Variants in NOB1 observed in about 807,000 individuals in gnomAD.
NOB1 encodes RNA-binding protein NOB1.
In NOB1, 44 loss-of-function variants were observed where a neutral mutation model predicts 44.8. That is an observed-to-expected ratio of 0.98 (90% CI 0.77 to 1.26). NOB1 has a LOEUF of 1.26. NOB1 is among the 50% of genes most tolerant of loss of function. The probability of loss-of-function intolerance (pLI) is 0.00; values close to 1 mark genes in which losing one functional copy is unlikely to be tolerated. For missense variants in NOB1, 560 were observed against 544.8 expected (o/e 1.03, Z -0.28); for synonymous variants, 238 against 218.7 (o/e 1.09, Z -0.78).
chr16:69,749,520 GA>G, intron 4 of NOB1, 38 bp downstream of exon 4: 1 of 1,585,648 alleles, frequency 6.3e-7, no homozygotes, highest in Non-Finnish European at 8.6e-7. Context: ...ACATGTTTCA[GA>G]AAAGAGCATG....
rs1396485522 is a variant in NOB1 at position 69,748,227 on chromosome 16, C to T, written c.824+5G>A. 5.6e-6 allele frequency: 9 copies of T among 1,610,722 alleles called. No homozygotes were observed. The highest frequency in any genetic ancestry group is 7.6e-6 in the Non-Finnish European group (9 of 1,177,142). ...GGCACCAGGGCCAGGGCACCAGCTA[C>T]ATACTTGAAACAGCCATGGCAGCGC... On this transcript the variant is annotated splice_donor_5th_base_variant and intron_variant, in intron 7 of 8. Transcript: ENST00000268802.
intron 7 of NOB1, among the ~76,000 whole-genome samples, chr16:69,746,866 C>T (rs956177330): frequency 6.6e-6 from 1 of 150,832 alleles, no homozygotes; most frequent in African/African-American, 2.4e-5. Flanking sequence ...TAGACTGTGC[C>T]ACTGCTCTCC....
intron 8 of NOB1, among the ~76,000 whole-genome samples, chr16:69,743,024 G>A (rs989865813): frequency 2.6e-5 from 4 of 152,104 alleles, no homozygotes; most frequent in South Asian, 2.1e-4. Context: ...GAGAAATGGC[G>A]GATTCTGGGG....
chr16:69,742,013 G>A lies in NOB1; in HGVS notation c.*319C>T, dbSNP rs888211071. On this transcript the variant is annotated 3_prime_UTR_variant, in exon 9 of 9. Coordinates refer to ENST00000268802, the MANE Select transcript of NOB1 (RefSeq NM_014062.3). ...TTTGGCCTATTTAATTAAATGCACA[G>A]GAGGTTGCAGCCGCATTTATTAGAA... The A allele has an allele frequency of 2.5e-5, 7 of 284,242 alleles. No homozygotes were observed. The Admixed American group carries it at 3.4e-4, about 14-fold the overall frequency. 17.6% of individuals were successfully genotyped at this position (284,242 alleles called of 1,614,324 possible).
In NOB1 at chr16:69,753,222, A is replaced by C. The variant is rs1179776717; in HGVS notation, c.197-851T>G. On this transcript the variant is annotated intron_variant, in intron 2 of 8. Transcript: ENST00000268802. ...AGGCAACACAGCCAGACTCCATCTC[A>C]AAAAAAAAAAAGTTTCAGATTTAGG... Among the ~76,000 whole-genome samples, 6 of 147,510 alleles carry C rather than the reference A, an allele frequency of 4.1e-5. No individual in the cohort carries two copies. The East Asian group carries it at 5.9e-4, about 15-fold the overall frequency.
Position 69,749,194 on chromosome 16 carries a change from C to T in NOB1, c.525+19G>A, listed in dbSNP as rs2038460560. The T allele has an allele frequency of 1.2e-6, 2 of 1,612,688 alleles. No homozygotes were observed. The highest frequency in any genetic ancestry group is 2.7e-5 in the African/African-American group (2 of 74,828). On this transcript the variant is annotated intron_variant, in intron 5 of 8. Transcript: ENST00000268802. ...GAGAAGTTGAGCTGTCGTCAGAAGACCAAAAGTCAAGGCCTCACCAGCAGC... is the reference window on the plus strand; with the variant it reads ...GAGAAGTTGAGCTGTCGTCAGAAGATCAAAAGTCAAGGCCTCACCAGCAGC...
At chr16:69,743,695 C>G (rs2038404311) in intron 8 of NOB1, among the ~76,000 whole-genome samples, 2 of 152,280 alleles carry the variant, frequency 1.3e-5, no homozygotes, top group Non-Finnish European at 1.5e-5. Context: ...TGAAAGGACC[C>G]CAGTCGAAAA....
chr16:69,742,454 A>C lies in NOB1; in HGVS notation c.1117T>G (p.Phe373Val), dbSNP rs759320295. 1.2e-6 allele frequency: 2 copies of C among 1,614,094 alleles called. No individual in the cohort carries two copies. Among genetic ancestry groups the C allele is most frequent in the Non-Finnish European group, 1.7e-6 (2 of 1,180,032 alleles). ...APDYIAGVSP[F>V]VENDISSRSA... ...CGGCTGGAGATGTCATTCTCGACAA[A>C]GGGTGACACCCCGGCGATGTAGTCA... is the stretch of plus-strand genomic sequence containing the variant. Residue 373 changes from phenylalanine (F) to valine (V), a missense_variant, in exon 9 of 9, where the codon TTT becomes GTT. By Grantham distance (50) the Phe-to-Val change is conservative. Coordinates refer to ENST00000268802, the MANE Select transcript of NOB1 (RefSeq NM_014062.3).
intron 7 of NOB1, 85 bp from the exon 8 acceptor site, chr16:69,745,102 A>G (rs1232246026): frequency 6.9e-7 from 1 of 1,452,378 alleles, no homozygotes; most frequent in African/African-American, 1.4e-5. Flanking sequence ...CTCGGGCCTC[A>G]GGAGAAGAAA....
At chr16:69,750,608 A>G (rs1346606090) in intron 3 of NOB1, among the ~76,000 whole-genome samples, 2 of 152,176 alleles carry the variant, frequency 1.3e-5, no homozygotes, top group Admixed American at 1.3e-4. Flanking sequence ...AGCCCAGGTG[A>G]TGACAGGATC....
At chr16:69,745,110 A>C in intron 7 of NOB1, 93 bp from the exon 8 acceptor site, 1 of 1,386,590 alleles carries the variant, frequency 7.2e-7, no homozygotes, top group East Asian at 2.3e-5. Flanking sequence ...TCAGGAGAAG[A>C]AACAGGGAAG....
rs2038392661 is a variant in NOB1 at position 69,742,531 on chromosome 16, G to A, written c.1040C>T (p.Pro347Leu). ...GGCCTTTTGGGAGAGTCGCAGCTGA[G>A]GGAAGCGCTGATCCTCGGTGAGATG... ...NPHLTEDQRF[P>L]QLRLSQKARQ... is the part of the protein sequence containing the mutation. The change falls in exon 9 of 9, where the codon CCT (proline) becomes CTT (leucine). Residue 347 changes from proline (P) to leucine (L), a missense_variant. Transcript: ENST00000268802. 1.2e-6 allele frequency: 2 copies of A among 1,614,038 alleles called. No individual in the cohort carries two copies. Among genetic ancestry groups the A allele is most frequent in the African/African-American group, 1.3e-5 (1 of 74,920 alleles).
chr16:69,752,202 A>G, intron 3 of NOB1, 39 bp downstream of exon 3: 1 of 1,595,108 alleles, frequency 6.3e-7, no homozygotes. Context: ...GACAGTTCCC[A>G]TAATACAAAG....
rs1330255851 is a variant in NOB1 at position 69,742,368 on chromosome 16, G to C, written c.1203C>G (p.Pro401=). Residue 401 remains proline, a synonymous_variant, in exon 9 of 9, where the codon CCC becomes CCG. Coordinates refer to ENST00000268802, the MANE Select transcript of NOB1 (RefSeq NM_014062.3). ...TCACAAACTTCTTTCTGGAAGCGTT[G>C]GGATTTAAGCGTCTCCGCCCAGCTC... ...TLGAGRRRLN[P]NASRKKFVKK... 1 of 1,613,450 alleles carries C rather than the reference G, an allele frequency of 6.2e-7. No individual in the cohort carries two copies. Among genetic ancestry groups the C allele is most frequent in the Admixed American group, 1.7e-5 (1 of 59,982 alleles).
intron 7 of NOB1, among the ~76,000 whole-genome samples, chr16:69,746,998 C>T (rs1343315538): frequency 2.7e-5 from 4 of 150,404 alleles, no homozygotes; most frequent in Non-Finnish European, 4.4e-5. Context: ...CTGAGTTCGG[C>T]GGATCAGAGG....
At chr16:69,752,141 A>G in intron 3 of NOB1, 100 bp downstream of exon 3, 1 of 1,062,918 alleles carries the variant, frequency 9.4e-7, no homozygotes, top group Non-Finnish European at 1.4e-6. Context: ...GGAGGGGGGG[A>G]TGATGGGAAC....
intron 2 of NOB1, among the ~76,000 whole-genome samples, chr16:69,753,602 G>T (rs2038500128): frequency 6.6e-6 from 1 of 152,166 alleles, no homozygotes; most frequent in Non-Finnish European, 1.5e-5. Context: ...GAAAGATTTA[G>T]TAAGTTGGCA....
intron 2 of NOB1, among the ~76,000 whole-genome samples, chr16:69,752,743 G>A (rs1193911233): frequency 6.6e-6 from 1 of 152,108 alleles, no homozygotes; most frequent in South Asian, 2.1e-4. Flanking sequence ...AGACCAGCCT[G>A]GCCAACGTGG....
intron 7 of NOB1, among the ~76,000 whole-genome samples, chr16:69,746,044 G>T (rs1277201324): frequency 6.6e-6 from 1 of 152,218 alleles, no homozygotes; most frequent in East Asian, 1.9e-4. Flanking sequence ...GCAAAGGGAC[G>T]TAAAGCTTCA....
Sources: allele counts gnomAD v4.1 joint callset (sites outside exome capture counted in the v4.1 genomes callset), GRCh38; gene constraint gnomAD v4.1.1; transcripts MANE v1.5; gene names NCBI Gene and HGNC (gene_info 2026-07-23, HGNC 2026-07-21).